SSH2: variants seen among roughly 807,000 people sequenced by gnomAD.
The protein encoded by SSH2 is protein phosphatase Slingshot homolog 2.
In SSH2, 37 loss-of-function variants were observed where a neutral mutation model predicts 135.2. The observed-to-expected ratio is 0.27, with a 90% confidence interval of 0.21 to 0.36. The LOEUF (loss-of-function observed/expected upper bound fraction) is 0.36. Among genes scored for constraint, SSH2 ranks in the 10% least tolerant of loss-of-function variants. The pLI is 1.00. For missense variants in SSH2, 1,408 were observed against 1,765.3 expected (o/e 0.80, Z 3.63); for synonymous variants, 628 against 646.2 (o/e 0.97, Z 0.43).
intron 6 of SSH2, among the ~76,000 whole-genome samples, chr17:29,679,782 C>A (rs1215444216): frequency 1.3e-5 from 2 of 152,172 alleles, no homozygotes; most frequent in East Asian, 1.9e-4. Context: ...ATAAAAATAT[C>A]TTCTTCATTG....
At chr17:29,685,845 T>C (rs2038192041) in intron 5 of SSH2, among the ~76,000 whole-genome samples, 1 of 151,346 alleles carries the variant, frequency 6.6e-6, no homozygotes, top group Non-Finnish European at 1.5e-5. Flanking sequence ...TTCTTTCTTT[T>C]CTTTTTCTTT....
chr17:29,871,712 A>C (rs766896470), intron 1 of SSH2, among the ~76,000 whole-genome samples: 3 of 152,198 alleles, frequency 2.0e-5, no homozygotes, highest in Non-Finnish European at 4.4e-5. Context: ...GAGATTATAA[A>C]TGTTTCCAAA....
At chr17:29,794,448 A>G (rs575625250) in intron 2 of SSH2, among the ~76,000 whole-genome samples, 25 of 152,296 alleles carry the variant, frequency 1.6e-4, no homozygotes, top group African/African-American at 5.8e-4. Context: ...GTGTTCCTCA[A>G]TTTAAGTACA....
At chr17:29,716,460 G>A (rs1185601169) in intron 3 of SSH2, 1 of 688,886 alleles carries the variant, frequency 1.5e-6, no homozygotes, top group Non-Finnish European at 2.7e-6. Flanking sequence ...CTCAACTTGT[G>A]TACAACAATG....
At chr17:29,879,913 T>C (rs1282561995) in intron 1 of SSH2, among the ~76,000 whole-genome samples, 1 of 152,222 alleles carries the variant, frequency 6.6e-6, no homozygotes, top group East Asian at 1.9e-4. Context: ...TGTAAGAGAC[T>C]AGAATGTTAA....
chr17:29,631,525 A>G lies in SSH2; in HGVS notation c.3669T>C (p.Thr1223=), dbSNP rs1002030126. Residue 1223 remains threonine, a synonymous_variant, in exon 16 of 16, where the codon ACT becomes ACC. Coordinates refer to ENST00000540801, the MANE Select transcript of SSH2 (RefSeq NM_001282129.2). ...GGTCCATTTTCTCCTGTAACTCCCCAGTGTTGTCACCAAGTTTGCTAATTA... is the reference window on the plus strand; with the variant it reads ...GGTCCATTTTCTCCTGTAACTCCCCGGTGTTGTCACCAAGTTTGCTAATTA... The part of the protein sequence containing the change: ...LSLISKLGDN[T]GELQEKMDPL... The G allele has an allele frequency of 6.8e-6, 11 of 1,614,026 alleles. No homozygotes were observed. Among genetic ancestry groups the G allele is most frequent in the Non-Finnish European group, 8.5e-6 (10 of 1,180,018 alleles).
chr17:29,708,540 A>C (rs2039301789), intron 3 of SSH2, among the ~76,000 whole-genome samples: 1 of 148,670 alleles, frequency 6.7e-6, no homozygotes, highest in South Asian at 2.2e-4. Context: ...CAGTGAGCCG[A>C]GATTGTGCCA....
chr17:29,919,755 T>A (rs1474379587), intron 1 of SSH2, among the ~76,000 whole-genome samples: 1 of 107,196 alleles, frequency 9.3e-6, no homozygotes, highest in Non-Finnish European at 1.9e-5. Context: ...AAACTACAGC[T>A]AGGTGTTTTT....
At chr17:29,716,357 C>A in intron 3 of SSH2, 1 of 478,684 alleles carries the variant, frequency 2.1e-6, no homozygotes. Flanking sequence ...GCTGTCTTGG[C>A]TCTTAGAGTG....
intron 1 of SSH2, chr17:29,882,900 G>A (rs1448578265): frequency 2.6e-5 from 4 of 152,220 alleles, no homozygotes; most frequent in African/African-American, 9.6e-5. Context: ...CTGGGCTCAA[G>A]CGATCCTCTC....
chr17:29,788,476 C>T (rs1163360819), intron 3 of SSH2, among the ~76,000 whole-genome samples: 3 of 152,308 alleles, frequency 2.0e-5, no homozygotes, highest in African/African-American at 4.8e-5. Context: ...TGGAACTATA[C>T]CATTAGTTCT....
At chr17:29,917,673 T>C (rs915297383) in intron 1 of SSH2, among the ~76,000 whole-genome samples, 1 of 152,104 alleles carries the variant, frequency 6.6e-6, no homozygotes, top group Non-Finnish European at 1.5e-5. Flanking sequence ...GCTAACATGG[T>C]GAAACCCCAT....
intron 3 of SSH2, chr17:29,716,391 T>C (rs2039623557): frequency 1.8e-6 from 1 of 548,988 alleles, no homozygotes; most frequent in African/African-American, 1.9e-5. Context: ...ATACACACAT[T>C]AATTAGAGTG....
chr17:29,742,827 G>T (rs1385044028), intron 3 of SSH2, among the ~76,000 whole-genome samples: 1 of 151,926 alleles, frequency 6.6e-6, no homozygotes, highest in African/African-American at 2.4e-5. Context: ...TAGAGACGGG[G>T]TTTCACCATG....
intron 3 of SSH2, among the ~76,000 whole-genome samples, chr17:29,782,847 A>G (rs775030028): frequency 1.3e-5 from 2 of 152,142 alleles, no homozygotes; most frequent in Non-Finnish European, 2.9e-5. Flanking sequence ...TGGCCTCCCA[A>G]AGTGCTGTGA....
intron 1 of SSH2, among the ~76,000 whole-genome samples, chr17:29,916,955 T>C (rs1456369605): frequency 1.3e-5 from 2 of 151,920 alleles, no homozygotes; most frequent in Middle Eastern, 3.4e-3. Context: ...GCAAGCTGCA[T>C]GGAGGTGTCT....
At chr17:29,886,070 GGCA>G (rs1335724517) in intron 1 of SSH2, among the ~76,000 whole-genome samples, 1 of 152,178 alleles carries the variant, frequency 6.6e-6, no homozygotes, top group Admixed American at 6.5e-5. Context: ...CTGAGTAGCA[GGCA>G]GAGGTTGGAA....
chr17:29,819,001 C>T (rs1023276716), intron 2 of SSH2, among the ~76,000 whole-genome samples: 3 of 151,846 alleles, frequency 2.0e-5, no homozygotes, highest in Non-Finnish European at 4.4e-5. Context: ...CCGAGGCGGG[C>T]GGATCACCTG....
chr17:29,657,118 C>T (rs1229241396), intron 11 of SSH2, among the ~76,000 whole-genome samples: 1 of 152,148 alleles, frequency 6.6e-6, no homozygotes, highest in Non-Finnish European at 1.5e-5. Flanking sequence ...AGGCATGCAT[C>T]ACCATGCCCA....
Sources: allele counts gnomAD v4.1 joint callset (sites outside exome capture counted in the v4.1 genomes callset), GRCh38; gene constraint gnomAD v4.1.1; transcripts MANE v1.5; gene names NCBI Gene and HGNC (gene_info 2026-07-23, HGNC 2026-07-21).